SHISA9: variants seen among roughly 807,000 people sequenced by gnomAD.
SHISA9 encodes protein shisa-9.
SHISA9 carries 13 observed loss-of-function variants against 38.0 expected under a neutral mutation model. The ratio of observed to expected loss-of-function variants is 0.34; its 90% CI spans 0.22 to 0.54. The LOEUF is 0.54. SHISA9 is among the 20% of genes least tolerant of loss of function. The probability of loss-of-function intolerance (pLI) is 0.91; values close to 1 mark genes in which losing one functional copy is unlikely to be tolerated. For synonymous variants in SHISA9, 275 were observed against 242.0 expected (o/e 1.14, Z -1.27); for missense variants, 538 against 575.8 (o/e 0.93, Z 0.67).
chr16:13,104,483 G>A (rs1484919007), intron 2 of SHISA9, among the ~76,000 whole-genome samples: 1 of 152,158 alleles, frequency 6.6e-6, no homozygotes, highest in African/African-American at 2.4e-5. Flanking sequence ...TAAACAAAAT[G>A]TGGTATATCC....
chr16:12,985,292 G>A (rs948753896), intron 2 of SHISA9, among the ~76,000 whole-genome samples: 3 of 152,174 alleles, frequency 2.0e-5, no homozygotes, highest in Non-Finnish European at 2.9e-5. Flanking sequence ...GTGTTGGATG[G>A]GAGAGGGTGT....
chr16:13,046,840 A>G (rs117477626), intron 2 of SHISA9, among the ~76,000 whole-genome samples: 1 of 152,130 alleles, frequency 6.6e-6, no homozygotes, highest in Non-Finnish European at 1.5e-5. Flanking sequence ...CTTCCTCTGC[A>G]TGGCCTGGCT....
intron 2 of SHISA9, among the ~76,000 whole-genome samples, chr16:12,935,385 G>A (rs566743917): frequency 5.3e-5 from 8 of 152,150 alleles, no homozygotes; most frequent in Non-Finnish European, 1.0e-4. Context: ...TATTTCCTGC[G>A]TTATTTTCTT....
At chr16:13,342,453 A>T in the SHISA9 span, among the ~76,000 whole-genome samples, 2 of 152,114 alleles carry the variant, frequency 1.3e-5, no homozygotes, top group Non-Finnish European at 2.9e-5. Flanking sequence ...ATGTCCAGCT[A>T]ATTTTTTTGT....
intron 2 of SHISA9, among the ~76,000 whole-genome samples, chr16:12,967,697 G>A (rs1157722525): frequency 6.6e-6 from 1 of 151,940 alleles, no homozygotes; most frequent in African/African-American, 2.4e-5. Context: ...TCTGGAGATT[G>A]AAGATGCCTA....
At position 13,049,156 on chromosome 16, in the gene SHISA9, ATGTGTGTGTGTGTGTGTG is replaced by A. The variant is rs10526925; in HGVS notation, c.691+132373_691+132390del. ...GCCATTCTAAGCTTTGGTTAGGAGT[ATGTGTGTGTGTGTGTGTG>A]TGTGTGTGTGTGTGTGTGTGTGTGT... is the stretch of plus-strand genomic sequence containing the variant. On this transcript the variant is annotated intron_variant, in intron 2 of 4. Transcript: ENST00000558583. Among the ~76,000 whole-genome samples, 54 of 63,986 alleles carry A rather than the reference ATGTGTGTGTGTGTGTGTG, an allele frequency of 8.4e-4. 1 individual carries two copies. The highest frequency in any genetic ancestry group is 2.5e-3 in the African/African-American group (37 of 15,018). 42.0% of individuals were successfully genotyped at this position (63,986 alleles called of 152,430 possible). A position where few individuals can be genotyped will look rare whatever the true frequency, so the allele number is the denominator to read the frequency against.
chr16:13,548,515 G>A, the SHISA9 span, among the ~76,000 whole-genome samples: 2 of 151,760 alleles, frequency 1.3e-5, no homozygotes, highest in Non-Finnish European at 2.9e-5. Context: ...CAATAGCAAA[G>A]TAAGTAAGTA....
At chr16:13,078,252 A>G (rs1236837114) in intron 2 of SHISA9, among the ~76,000 whole-genome samples, 2 of 152,244 alleles carry the variant, frequency 1.3e-5, no homozygotes, top group Non-Finnish European at 2.9e-5. Flanking sequence ...AAAATGGCAT[A>G]CTATTTGCAT....
At chr16:13,348,882 C>G in the SHISA9 span, among the ~76,000 whole-genome samples, 1 of 152,012 alleles carries the variant, frequency 6.6e-6, no homozygotes, top group Non-Finnish European at 1.5e-5. Flanking sequence ...GTGGCCTCAC[C>G]AGCTTGTTTT....
intron 2 of SHISA9, among the ~76,000 whole-genome samples, chr16:13,081,894 CGT>C (rs146709301): frequency 0.012 from 1,795 of 150,210 alleles, 11 homozygotes; most frequent in Middle Eastern, 0.024. Flanking sequence ...CTAGATTTAG[CGT>C]GTGTGTGTGT....
the SHISA9 span, among the ~76,000 whole-genome samples, chr16:13,555,333 A>G: frequency 1.3e-5 from 2 of 152,182 alleles, no homozygotes; most frequent in African/African-American, 4.8e-5. Context: ...TGACTTCCAT[A>G]TAGAAGCGTT....
the SHISA9 span, among the ~76,000 whole-genome samples, chr16:13,499,191 C>T: frequency 6.6e-6 from 1 of 152,286 alleles, no homozygotes; most frequent in East Asian, 1.9e-4. Context: ...TTGATCTCCA[C>T]CTGTCTGAAT....
the SHISA9 span, among the ~76,000 whole-genome samples, chr16:13,384,883 G>C: frequency 6.6e-6 from 1 of 152,168 alleles, no homozygotes; most frequent in Non-Finnish European, 1.5e-5. Flanking sequence ...AGGATGCAAA[G>C]ACCAGCTCCA....
At chr16:13,216,646 G>A (rs1014175358) in intron 4 of SHISA9, among the ~76,000 whole-genome samples, 4 of 152,156 alleles carry the variant, frequency 2.6e-5, no homozygotes, top group South Asian at 2.1e-4. Flanking sequence ...AACATAGGGC[G>A]TGGGCAGAGA....
At chr16:13,216,184 CA>C (rs929173872) in intron 4 of SHISA9, among the ~76,000 whole-genome samples, 1,676 of 113,034 alleles carry the variant, frequency 0.015, 24 homozygotes, top group African/African-American at 0.048. Flanking sequence ...GAGACTCTGT[CA>C]AAAAAAAAAA....
chr16:12,977,197 G>C (rs1475818676), intron 2 of SHISA9, among the ~76,000 whole-genome samples: 1 of 152,148 alleles, frequency 6.6e-6, no homozygotes, highest in Non-Finnish European at 1.5e-5. Flanking sequence ...GTTGGGCTGG[G>C]TTCCTGGGTG....
the SHISA9 span, among the ~76,000 whole-genome samples, chr16:13,295,145 A>AT: frequency 4.6e-5 from 7 of 152,140 alleles, no homozygotes; most frequent in East Asian, 1.9e-4. Flanking sequence ...ACATCACCAA[A>AT]TTTTTTTTAA....
At chr16:13,277,424 T>C in the SHISA9 span, among the ~76,000 whole-genome samples, 2 of 151,116 alleles carry the variant, frequency 1.3e-5, no homozygotes, top group African/African-American at 2.5e-5. Flanking sequence ...ATATAAATTT[T>C]AGAATTGTTT....
the SHISA9 span, among the ~76,000 whole-genome samples, chr16:13,381,087 G>A: frequency 2.3e-3 from 353 of 152,060 alleles, 2 homozygotes; most frequent in African/African-American, 8.0e-3. Context: ...CATTTGGGTT[G>A]GTTCCAAGTC....
Sources: allele counts gnomAD v4.1 joint callset (sites outside exome capture counted in the v4.1 genomes callset), GRCh38; gene constraint gnomAD v4.1.1; transcripts MANE v1.5; gene names NCBI Gene and HGNC (gene_info 2026-07-23, HGNC 2026-07-21).